NCOR2: variants seen among roughly 807,000 people sequenced by gnomAD.
NCOR2 encodes CTG repeat protein 26.
NCOR2 carries 81 observed loss-of-function variants against 262.9 expected under a neutral mutation model. The ratio of observed to expected loss-of-function variants is 0.31; its 90% CI spans 0.26 to 0.37. The LOEUF is 0.37. NCOR2 is among the 10% of genes least tolerant of loss of function. The pLI is 1.00. For synonymous variants in NCOR2, 1,659 were observed against 1,559.3 expected, an observed-to-expected ratio of 1.06 and a Z score of -1.51; for missense variants, 3,385 against 3,621.4, an observed-to-expected ratio of 0.93 and a Z score of 1.68.
upstream of NCOR2, among the ~76,000 whole-genome samples, chr12:124,535,996 G>T (rs1466902728): frequency 1.3e-5 from 2 of 152,216 alleles, no homozygotes; most frequent in African/African-American, 4.8e-5. Context: ...AGGGAGATGG[G>T]TCGACGGACA....
exon 15 of NCOR2, chr12:124,400,543 T>C: frequency 6.2e-7 from 1 of 1,614,218 alleles, no homozygotes; most frequent in Non-Finnish European, 8.5e-7. Flanking sequence ...TCCTCGCTGT[T>C]GGCCTCATTA....
intron 44 of NCOR2, chr12:124,329,113 G>A: frequency 2.1e-6 from 1 of 470,504 alleles, no homozygotes; most frequent in Non-Finnish European, 4.4e-6. Context: ...CACAGGTTGA[G>A]TGGCAAAGAC....
rs1381418814 is a variant in NCOR2 at position 124,503,769 on chromosome 12, T to TGGATGGATGGGC, written c.-117-8413_-117-8402dup. ...ATGCATGGATGCATGGATGGATGGA[T>TGGATGGATGGGC]GGATGGATGGGCGGATGGATGCACA... On this transcript the variant is annotated intron_variant, in intron 1 of 46. Transcript: ENST00000404621. The surrounding 1 kb of genome is among the most constrained non-coding windows in gnomAD (Gnocchi z 4.3). 6.6e-6 allele frequency among the ~76,000 whole-genome samples: 1 copy of TGGATGGATGGGC among 152,030 alleles called. No individual in the cohort carries two copies. Among genetic ancestry groups the TGGATGGATGGGC allele is most frequent in the Non-Finnish European group, 1.5e-5 (1 of 67,996 alleles).
intron 11 of NCOR2, among the ~76,000 whole-genome samples, chr12:124,424,622 T>A (rs1451502591): frequency 6.6e-6 from 1 of 152,140 alleles, no homozygotes; most frequent in Non-Finnish European, 1.5e-5. Flanking sequence ...CCTTTCTGAG[T>A]TCGGTATCTG....
chr12:124,341,569 T>G (rs996966221), intron 34 of NCOR2, among the ~76,000 whole-genome samples: 4 of 152,194 alleles, frequency 2.6e-5, no homozygotes, highest in African/African-American at 9.7e-5. Context: ...GAGGCCCCTG[T>G]ATCCTAAGAG....
intron 6 of NCOR2, among the ~76,000 whole-genome samples, chr12:124,451,042 C>G (rs2045493503): frequency 6.6e-6 from 1 of 152,254 alleles, no homozygotes; most frequent in Non-Finnish European, 1.5e-5. Context: ...CTGTAACCAC[C>G]CATGACCTTG....
At chr12:124,359,878 G>C (rs1483897814) in intron 22 of NCOR2, among the ~76,000 whole-genome samples, 2 of 152,254 alleles carry the variant, frequency 1.3e-5, no homozygotes, top group Admixed American at 6.5e-5. Flanking sequence ...GGTAGCGCTG[G>C]GTGTCAAGTT....
At chr12:124,487,625 C>T (rs538211633) in intron 1 of NCOR2, among the ~76,000 whole-genome samples, 21 of 152,360 alleles carry the variant, frequency 1.4e-4, no homozygotes, top group African/African-American at 4.3e-4. Flanking sequence ...CTCCGCCCTG[C>T]GGCTAGGCTA....
chr12:124,356,776 G>T, exon 23 of NCOR2: 1 of 1,475,320 alleles, frequency 6.8e-7, no homozygotes, highest in African/African-American at 1.5e-5. Context: ...GGCCTCGGCT[G>T]CGAAGGCTGG....
At chr12:124,354,968 G>A (rs2037831132) in intron 24 of NCOR2, 29 bp from the exon 27 acceptor site, 1 of 1,591,344 alleles carries the variant, frequency 6.3e-7, no homozygotes, top group African/African-American at 1.3e-5. Flanking sequence ...GGGGTCACAG[G>A]GGCACCCTGG....
At chr12:124,341,705 ACACAAGGTGACC>A (rs1371061064) in intron 34 of NCOR2, 106 bp downstream of exon 36, 20 of 1,463,958 alleles carry the variant, frequency 1.4e-5, no homozygotes, top group African/African-American at 4.2e-5. Flanking sequence ...AGGTCCGTTC[ACACAAGGTGACC>A]CACAAGGTGA....
At chr12:124,499,182 G>A (rs766664915), upstream of NCOR2, among the ~76,000 whole-genome samples, 10 of 152,260 alleles carry the variant, frequency 6.6e-5, no homozygotes, top group Non-Finnish European at 1.5e-4. Context: ...GGCAGGAGAG[G>A]ACGAGGGAGC....
intron 40 of NCOR2, chr12:124,334,889 T>C: frequency 1.6e-6 from 1 of 629,992 alleles, no homozygotes; most frequent in Non-Finnish European, 2.7e-6. Flanking sequence ...AAGGCCTCAT[T>C]GCCCGTGAAG....
At chr12:124,493,984 G>C (rs2048237811) in intron 1 of NCOR2, among the ~76,000 whole-genome samples, 1 of 152,186 alleles carries the variant, frequency 6.6e-6, no homozygotes, top group Non-Finnish European at 1.5e-5. Flanking sequence ...AGAATGCAAT[G>C]ACTCTGCCCA....
chr12:124,370,432 G>C (rs925904452), intron 20 of NCOR2, among the ~76,000 whole-genome samples: 1 of 152,202 alleles, frequency 6.6e-6, no homozygotes, highest in Admixed American at 6.5e-5. Flanking sequence ...GAACCCCAGG[G>C]CAGAGACAAG....
chr12:124,445,185 A>T (rs1007807608), intron 7 of NCOR2, among the ~76,000 whole-genome samples: 1 of 152,330 alleles, frequency 6.6e-6, no homozygotes. Context: ...AATGTGCCTG[A>T]GCGCCATCTG....
chr12:124,374,869 T>C (rs2136048562), intron 18 of NCOR2, among the ~76,000 whole-genome samples: 1 of 152,336 alleles, frequency 6.6e-6, no homozygotes, highest in Admixed American at 6.5e-5. Context: ...GGAGAGGCTT[T>C]TGGGGCTGCT....
chr12:124,376,467 C>A (rs2040008704), intron 18 of NCOR2, among the ~76,000 whole-genome samples: 1 of 152,244 alleles, frequency 6.6e-6, no homozygotes, highest in Non-Finnish European at 1.5e-5. Flanking sequence ...GGGTCTTCTC[C>A]TGGCTACAGA....
rs1379545842 is a variant in NCOR2, at chr12:124,433,894, ACACACG to A, written c.883-3113_883-3108del. ...CACACACACACACACACACACACACACACACGCACACACACACACAGGGAAAGACTG... is the reference window on the plus strand; with the variant it reads ...CACACACACACACACACACACACACACACACACACACACAGGGAAAGACTG... On this transcript the variant is annotated intron_variant, in intron 8 of 46. Coordinates refer to ENST00000405201, the Ensembl canonical transcript of NCOR2. 3.3e-5 allele frequency among the ~76,000 whole-genome samples: 4 copies of A among 123,074 alleles called. 1 individual carries two copies. The South Asian group carries it at 7.9e-4, about 24-fold the overall frequency. 80.7% of individuals were successfully genotyped at this position (123,074 alleles called of 152,430 possible).
Sources: allele counts gnomAD v4.1 joint callset (sites outside exome capture counted in the v4.1 genomes callset), GRCh38; gene constraint gnomAD v4.1.1; non-coding constraint Gnocchi (gnomAD v3.1); transcripts MANE v1.5; gene names NCBI Gene and HGNC (gene_info 2026-07-23, HGNC 2026-07-21).